Variants in RASSF3 observed in about 807,000 individuals in gnomAD.
RASSF3 encodes Ras association domain family member 3.
Under a neutral mutation model 19.9 loss-of-function variants are expected in RASSF3, and 19 were observed. The observed-to-expected ratio is 0.96, with a 90% CI of 0.67 to 1.40. The LOEUF is 1.40. Among genes scored for constraint, RASSF3 ranks in the 40% most tolerant of loss-of-function variants. RASSF3 has a pLI of 0.00. For synonymous variants in RASSF3, 110 were observed against 104.2 expected, an observed-to-expected ratio of 1.06 and a Z score of -0.34; for missense variants, 306 against 289.8, an observed-to-expected ratio of 1.06 and a Z score of -0.41.
intron 1 of RASSF3, among the ~76,000 whole-genome samples, chr12:64,507,877 C>T (rs889496584): frequency 6.6e-6 from 1 of 152,104 alleles, no homozygotes; most frequent in African/African-American, 2.4e-5. Flanking sequence ...CTTTTCTGTC[C>T]AGTCCTGCCT....
intron 1 of RASSF3, among the ~76,000 whole-genome samples, chr12:64,655,502 C>T (rs1365044409): frequency 1.3e-5 from 2 of 151,896 alleles, no homozygotes; most frequent in African/African-American, 4.8e-5. Context: ...AAAATAGAGA[C>T]AGGGTCTCAG....
intron 2 of RASSF3, among the ~76,000 whole-genome samples, chr12:64,550,570 C>T (rs1410204064): frequency 2.6e-5 from 4 of 151,862 alleles, no homozygotes; most frequent in South Asian, 4.1e-4. Context: ...GTAGGAGATT[C>T]GCTTGAACCC....
intron 1 of RASSF3, among the ~76,000 whole-genome samples, chr12:64,510,852 T>C (rs1003525813): frequency 6.6e-6 from 1 of 152,260 alleles, no homozygotes; most frequent in East Asian, 1.9e-4. Context: ...CTCAAGAGCA[T>C]TGTAGGCTGC....
intron 1 of RASSF3, among the ~76,000 whole-genome samples, chr12:64,639,991 A>G (rs969591316): frequency 1.3e-5 from 2 of 152,204 alleles, no homozygotes; most frequent in East Asian, 3.9e-4. Flanking sequence ...GGTAAACTGC[A>G]TTTATGCAGA....
At chr12:64,593,439 T>A (rs1397910822) in intron 2 of RASSF3, among the ~76,000 whole-genome samples, 3 of 152,138 alleles carry the variant, frequency 2.0e-5, no homozygotes, top group Non-Finnish European at 2.9e-5. Context: ...CCAGCTGGTC[T>A]TGAACTCCTG....
intron 2 of RASSF3, among the ~76,000 whole-genome samples, chr12:64,686,527 C>T (rs1477186166): frequency 6.6e-6 from 1 of 152,112 alleles, no homozygotes; most frequent in African/African-American, 2.4e-5. Context: ...AGAAGAATGG[C>T]GTGAACCCAG....
At chr12:64,680,414 C>CG (rs1565869766) in intron 1 of RASSF3, among the ~76,000 whole-genome samples, 2 of 151,808 alleles carry the variant, frequency 1.3e-5, no homozygotes, top group Non-Finnish European at 2.9e-5. Flanking sequence ...CCCGTGAGGA[C>CG]GGGCGTGGTG....
intron 1 of RASSF3, among the ~76,000 whole-genome samples, chr12:64,517,315 C>G (rs908790955): frequency 2.0e-5 from 3 of 151,826 alleles, no homozygotes; most frequent in Admixed American, 6.6e-5. Context: ...TCCTCCCCCC[C>G]CCCACTAAGC....
intron 1 of RASSF3, among the ~76,000 whole-genome samples, chr12:64,534,055 T>G (rs1183602858): frequency 6.6e-6 from 1 of 152,196 alleles, no homozygotes; most frequent in Non-Finnish European, 1.5e-5. Context: ...GCCCAGGAGT[T>G]TGAGACCAGC....
chr12:64,603,530 C>G (rs960816647), intron 2 of RASSF3, among the ~76,000 whole-genome samples: 1 of 152,178 alleles, frequency 6.6e-6, no homozygotes, highest in South Asian at 2.1e-4. Flanking sequence ...TTTTCTCCCC[C>G]ACCTTGTCCT....
chr12:64,688,592 T>C, intron 3 of RASSF3, 139 bp downstream of exon 3: 1 of 714,530 alleles, frequency 1.4e-6, no homozygotes, highest in Non-Finnish European at 2.5e-6. Context: ...GCCATGGTGA[T>C]CTTAGCATGC....
intron 1 of RASSF3, among the ~76,000 whole-genome samples, chr12:64,623,943 C>T (rs534803488): frequency 6.6e-6 from 1 of 152,054 alleles, no homozygotes; most frequent in South Asian, 2.1e-4. Flanking sequence ...GCCACCATGT[C>T]CGGCCATATT....
chr12:64,631,509 A>G (rs1340645444), intron 1 of RASSF3, among the ~76,000 whole-genome samples: 2 of 151,978 alleles, frequency 1.3e-5, no homozygotes, highest in African/African-American at 2.4e-5. Flanking sequence ...GGGCGAGGGA[A>G]GTGGTAAGGG....
chr12:64,670,768 T>C lies in RASSF3; in HGVS notation c.112-14019T>C, dbSNP rs144386121. Reference sequence around the variant, plus strand: ...GTACCCCACCCTCCAAAATCCATATTGACCTTCTGTATCAAAATGGCTAAG... The same window carrying C: ...GTACCCCACCCTCCAAAATCCATATCGACCTTCTGTATCAAAATGGCTAAG... On this transcript the variant is annotated intron_variant, in intron 1 of 4. Coordinates refer to ENST00000542104, the MANE Select transcript of RASSF3 (RefSeq NM_178169.4). Among the ~76,000 whole-genome samples the C allele has an allele frequency of 1.1e-3, 173 of 152,332 alleles. 1 individual carries two copies. The highest frequency in any genetic ancestry group is 6.8e-3 in the Middle Eastern group (2 of 294).
At chr12:64,692,398 C>T (rs541930809) in intron 4 of RASSF3, among the ~76,000 whole-genome samples, 1 of 152,198 alleles carries the variant, frequency 6.6e-6, no homozygotes, top group Non-Finnish European at 1.5e-5. Flanking sequence ...GTTTTAAAAT[C>T]TGTTAAGTGG....
At chr12:64,507,518 G>A (rs1193243683) in intron 1 of RASSF3, 1 of 377,668 alleles carries the variant, frequency 2.6e-6, no homozygotes, top group Non-Finnish European at 4.7e-6. Context: ...GCATTTTGAG[G>A]CTGATGTATT....
At chr12:64,678,570 C>T (rs1412389924) in intron 1 of RASSF3, among the ~76,000 whole-genome samples, 5 of 142,220 alleles carry the variant, frequency 3.5e-5, no homozygotes, top group African/African-American at 1.3e-4. Flanking sequence ...AGCATCTGTG[C>T]TATTAATATT....
chr12:64,533,870 C>T (rs925708318), intron 1 of RASSF3, among the ~76,000 whole-genome samples: 9 of 152,156 alleles, frequency 5.9e-5, no homozygotes, highest in Non-Finnish European at 1.3e-4. Context: ...AGCAGTGCAC[C>T]TATAAAATGC....
At chr12:64,566,892 G>A (rs944795319) in intron 2 of RASSF3, among the ~76,000 whole-genome samples, 1 of 152,194 alleles carries the variant, frequency 6.6e-6, no homozygotes, top group African/African-American at 2.4e-5. Flanking sequence ...TTGCCAGGTG[G>A]GGACCGAGGG....
Sources: allele counts gnomAD v4.1 joint callset (sites outside exome capture counted in the v4.1 genomes callset), GRCh38; gene constraint gnomAD v4.1.1; transcripts MANE v1.5; gene names NCBI Gene and HGNC (gene_info 2026-07-23, HGNC 2026-07-21).